Variants in AFF3 observed in about 807,000 individuals in gnomAD.
The protein encoded by AFF3 is AF4/FMR2 family member 3.
A neutral mutation model predicts 129.7 loss-of-function variants in AFF3; 32 were observed. The observed-to-expected ratio is 0.25, with a 90% CI of 0.19 to 0.33. The LOEUF is 0.33. Among genes scored for constraint, AFF3 ranks in the 10% least tolerant of loss-of-function variants. The pLI, the probability that AFF3 is intolerant of heterozygous loss-of-function variation, is 1.00. For synonymous variants in AFF3, 644 were observed against 635.4 expected, an observed-to-expected ratio of 1.01 and a Z score of -0.20; for missense variants, 1,373 against 1,592.0, an observed-to-expected ratio of 0.86 and a Z score of 2.34.
chr2:99,913,669 T>C (rs1273860620), intron 7 of AFF3, among the ~76,000 whole-genome samples: 1 of 152,158 alleles, frequency 6.6e-6, no homozygotes, highest in African/African-American at 2.4e-5. Flanking sequence ...TCTTGAAAAC[T>C]GGCTGATTCT....
intron 4 of AFF3, among the ~76,000 whole-genome samples, chr2:100,058,019 A>T (rs1686950029): frequency 1.3e-5 from 2 of 152,260 alleles, no homozygotes; most frequent in African/African-American, 4.8e-5. Flanking sequence ...TTCTGAGAAA[A>T]GGACTGACCC....
At chr2:99,763,855 C>G (rs1682806361) in intron 8 of AFF3, among the ~76,000 whole-genome samples, 2 of 152,132 alleles carry the variant, frequency 1.3e-5, no homozygotes, top group Non-Finnish European at 1.5e-5. Context: ...GAAGGGGATT[C>G]CTGGGAGCTG....
At chr2:99,789,112 T>G (rs773519130) in intron 8 of AFF3, among the ~76,000 whole-genome samples, 2 of 152,244 alleles carry the variant, frequency 1.3e-5, no homozygotes, top group Non-Finnish European at 2.9e-5. Context: ...GCATATGAAA[T>G]GCTTCATACA....
At chr2:99,677,793 G>A (rs1674139798) in intron 11 of AFF3, among the ~76,000 whole-genome samples, 1 of 152,220 alleles carries the variant, frequency 6.6e-6, no homozygotes, top group Admixed American at 6.5e-5. Context: ...CACCACCAGC[G>A]GAACCAGTAT....
chr2:99,564,507 C>T (rs1415996762), intron 20 of AFF3, among the ~76,000 whole-genome samples: 1 of 152,080 alleles, frequency 6.6e-6, no homozygotes, highest in Non-Finnish European at 1.5e-5. Context: ...GAAAAATGGG[C>T]AGTGTTGACT....
intron 4 of AFF3, among the ~76,000 whole-genome samples, chr2:100,031,656 CACA>C (rs1684504724): frequency 6.6e-6 from 1 of 152,138 alleles, no homozygotes; most frequent in African/African-American, 2.4e-5. Context: ...AGAAAATGCT[CACA>C]ACAACAATAA....
At chr2:99,678,749 C>G (rs1674248385) in intron 11 of AFF3, among the ~76,000 whole-genome samples, 1 of 152,228 alleles carries the variant, frequency 6.6e-6, no homozygotes, top group South Asian at 2.1e-4. Flanking sequence ...AATGTCTATT[C>G]TAACAATTAG....
chr2:100,085,965 G>T (rs1446222674), intron 4 of AFF3, among the ~76,000 whole-genome samples: 1 of 152,178 alleles, frequency 6.6e-6, no homozygotes, highest in Non-Finnish European at 1.5e-5. Flanking sequence ...AGGCACTGCT[G>T]TGGCAGGGCT....
intron 22 of AFF3, among the ~76,000 whole-genome samples, chr2:99,554,938 C>T (rs181271134): frequency 1.4e-4 from 22 of 152,246 alleles, no homozygotes; most frequent in East Asian, 7.7e-4. Flanking sequence ...GCCTGGACTT[C>T]GGAAGTTTAA....
intron 2 of AFF3, among the ~76,000 whole-genome samples, chr2:100,112,741 G>C (rs1034407127): frequency 1.3e-5 from 2 of 152,146 alleles, no homozygotes; most frequent in Non-Finnish European, 2.9e-5. Context: ...GAAAGCAGGA[G>C]CCCAAGGTCG....
intron 4 of AFF3, among the ~76,000 whole-genome samples, chr2:100,037,482 T>G (rs1685024595): frequency 1.1e-5 from 1 of 92,180 alleles, no homozygotes; most frequent in Admixed American, 1.7e-4. Context: ...TTATATTTTA[T>G]ATATTATTTA....
chr2:99,633,643 G>A lies in AFF3; in HGVS notation c.1184+15983C>T, dbSNP rs560457567. ...GATCCCTCATGAAAGGCTCGGTGCC[G>A]TCCTCCCAGAAGGGAGTGAGTTCTC... On this transcript the variant is annotated intron_variant, in intron 13 of 24. Coordinates refer to ENST00000672756, the MANE Select transcript of AFF3 (RefSeq NM_001386135.1). Among the ~76,000 whole-genome samples the A allele has an allele frequency of 8.5e-5, 13 of 152,238 alleles. No individual in the cohort carries two copies. The South Asian group carries it at 1.7e-3, about 19-fold the overall frequency.
intron 7 of AFF3, among the ~76,000 whole-genome samples, chr2:99,991,298 A>T (rs539719479): frequency 6.6e-6 from 1 of 152,222 alleles, no homozygotes; most frequent in Admixed American, 6.5e-5. Flanking sequence ...GATTCTGACA[A>T]CTGTTGATCT....
intron 22 of AFF3, among the ~76,000 whole-genome samples, chr2:99,556,228 G>A (rs1234625421): frequency 6.6e-6 from 1 of 152,152 alleles, no homozygotes; most frequent in African/African-American, 2.4e-5. Flanking sequence ...TGGATCACCT[G>A]AAGTCAGGAG....
intron 4 of AFF3, among the ~76,000 whole-genome samples, chr2:100,044,597 C>T (rs2105081057): frequency 6.6e-6 from 1 of 152,164 alleles, no homozygotes; most frequent in East Asian, 1.9e-4. Context: ...GGCATACTCT[C>T]TCACTTTTTT....
intron 7 of AFF3, among the ~76,000 whole-genome samples, chr2:99,969,082 A>G (rs1425238877): frequency 6.6e-6 from 1 of 152,200 alleles, no homozygotes; most frequent in Non-Finnish European, 1.5e-5. Context: ...TCCAAGAAGA[A>G]GCAATGGAGT....
At chr2:100,104,789 C>CGCT (rs1223220083) in intron 3 of AFF3, 27 of 843,726 alleles carry the variant, frequency 3.2e-5, no homozygotes, top group East Asian at 2.8e-4. Context: ...CGGCCCGGCC[C>CGCT]GCTGCTGCAG....
chr2:99,568,303 G>C (rs1676161589), intron 19 of AFF3, among the ~76,000 whole-genome samples: 1 of 152,226 alleles, frequency 6.6e-6, no homozygotes, highest in Non-Finnish European at 1.5e-5. Context: ...TCTCTTGCCT[G>C]AGAGCTTCAA....
chr2:100,075,169 C>T (rs546913342), intron 4 of AFF3, among the ~76,000 whole-genome samples: 1 of 152,096 alleles, frequency 6.6e-6, no homozygotes, highest in South Asian at 2.1e-4. Context: ...GACCCATTTA[C>T]GGGGACCATG....
Sources: gnomAD v4.1 joint callset for allele counts (sites outside exome capture counted in the v4.1 genomes callset) on GRCh38, gnomAD v4.1.1 for gene constraint, MANE v1.5 for transcripts, NCBI Gene and HGNC (gene_info 2026-07-23, HGNC 2026-07-21) for gene names.